Variants in CD6 observed in about 807,000 individuals in gnomAD.
CD6 encodes the protein CD6 molecule.
CD6 carries 53 observed loss-of-function variants against 75.3 expected under a neutral mutation model. That is an observed-to-expected ratio of 0.70 (90% CI 0.56 to 0.88). The LOEUF (loss-of-function observed/expected upper bound fraction) is 0.88, where lower values mean the gene tolerates loss of function less well. Ranked by LOEUF, CD6 falls within the 40% of genes least tolerant of loss-of-function variation. The pLI is 0.00. For missense variants in CD6, 770 were observed against 897.1 expected, an observed-to-expected ratio of 0.86 and a Z score of 1.81; for synonymous variants, 359 against 381.5, an observed-to-expected ratio of 0.94 and a Z score of 0.69.
intron 12 of CD6, 138 bp downstream of exon 12, chr11:61,018,531 T>C (rs1027600022): frequency 3.5e-5 from 21 of 598,784 alleles, no homozygotes; most frequent in Non-Finnish European, 1.7e-5. Flanking sequence ...AAGTAACTTT[T>C]TAAAAAACAA....
At chr11:60,992,399 G>T (rs1858101949) in intron 1 of CD6, among the ~76,000 whole-genome samples, 1 of 151,914 alleles carries the variant, frequency 6.6e-6, no homozygotes, top group Non-Finnish European at 1.5e-5. Flanking sequence ...ATTCGCCCAG[G>T]GTCACACTAT....
intron 7 of CD6, 68 bp downstream of exon 7, chr11:61,013,631 C>T (rs1211054676): frequency 1.3e-6 from 2 of 1,560,898 alleles, no homozygotes; most frequent in East Asian, 2.2e-5. Flanking sequence ...ACCCCAGCAG[C>T]AGTGGCGTGG....
intron 11 of CD6, 62 bp downstream of exon 11, chr11:61,018,075 C>T (rs1013242681): frequency 1.3e-6 from 2 of 1,575,212 alleles, no homozygotes; most frequent in African/African-American, 1.3e-5. Flanking sequence ...AGGCATAAAG[C>T]TGGGAGCCCT....
intron 1 of CD6, among the ~76,000 whole-genome samples, chr11:61,001,791 G>A (rs975619995): frequency 3.3e-5 from 5 of 152,126 alleles, no homozygotes; most frequent in Admixed American, 3.3e-4. Flanking sequence ...AGTGCAAAAC[G>A]GAGATGCAGG....
chr11:61,019,631 G>GA lies in CD6; in HGVS notation c.*313_*314insA, dbSNP rs1218967460. The GA allele has an allele frequency of 2.2e-5, 7 of 319,480 alleles. No homozygotes were observed. The Admixed American group carries it at 2.4e-4, about 11-fold the overall frequency. 19.8% of individuals were successfully genotyped at this position (319,480 alleles called of 1,614,324 possible). On this transcript the variant is annotated 3_prime_UTR_variant, in exon 13 of 13. Transcript: ENST00000313421. ...ACCTCTTGACAGCTGGTGGAGGGGA[G>GA]TTGGGGAGCTGGACTGGATGACTCT...
At chr11:60,986,524 T>C (rs1272350097) in intron 1 of CD6, among the ~76,000 whole-genome samples, 1 of 152,344 alleles carries the variant, frequency 6.6e-6, no homozygotes, top group South Asian at 2.1e-4. Flanking sequence ...CCTGAAGATC[T>C]CTATGGAACT....
intron 1 of CD6, among the ~76,000 whole-genome samples, chr11:61,005,299 GAGGTC>G (rs1329042346): frequency 6.6e-6 from 1 of 152,342 alleles, no homozygotes; most frequent in East Asian, 1.9e-4. Flanking sequence ...CAGTCAAGGA[GAGGTC>G]ACCTTGAATA....
rs1015595984 is a variant in CD6, at chr11:61,008,984, G to A, written c.781+139G>A. The A allele has an allele frequency of 6.2e-5, 45 of 729,436 alleles. No individual in the cohort carries two copies. The East Asian group carries it at 1.2e-3, about 19-fold the overall frequency. The allele number at this position is 729,436 out of a possible 1,614,324, so 45.2% of individuals were successfully genotyped here. A position where few individuals can be genotyped will look rare whatever the true frequency, so the allele number is the denominator to read the frequency against. On this transcript the variant is annotated intron_variant, in intron 4 of 12. Transcript: ENST00000313421. ...AGTTCAGGAGGGGAGATGAGACTGA[G>A]ACAAACATAATTCAGGAGAGAAAGT...
chr11:60,971,744 A>G lies in CD6; in HGVS notation c.-122A>G. ...AGAGAGCAGAGAGAGACACAGGAAC[A>G]AGAACAGCAAAGGGTAGAGCAGACC... On this transcript the variant is annotated 5_prime_UTR_variant, in exon 1 of 13. Transcript: ENST00000313421. 1 of 914,894 alleles carries G rather than the reference A, an allele frequency of 1.1e-6. No individual in the cohort carries two copies. Among genetic ancestry groups the G allele is most frequent in the Non-Finnish European group, 1.7e-6 (1 of 580,682 alleles). The allele number at this position is 914,894 out of a possible 1,614,324, so 56.7% of individuals were successfully genotyped here.
chr11:61,015,767 G>A lies in CD6; in HGVS notation c.1442G>A (p.Gly481Asp), dbSNP rs150986212. 2.5e-4 allele frequency: 408 copies of A among 1,614,166 alleles called. 2 individuals are homozygous for A. The African/African-American group carries it at 4.9e-3, about 19-fold the overall frequency. ...QAPPPEDSDS[G>D]SDSDYEHYDF... ...CCGCCCCCTGAGGACTCAGACTCTG[G>A]CTCGGACTCAGACTATGAGCACTAT... Residue 481 changes from glycine to aspartate, a missense_variant, in exon 9 of 13, where the codon GGC (glycine) becomes GAC (aspartate). By Grantham distance (94) the Gly-to-Asp change is moderately conservative. Coordinates refer to ENST00000313421, the MANE Select transcript of CD6 (RefSeq NM_006725.5).
intron 1 of CD6, among the ~76,000 whole-genome samples, chr11:60,992,074 T>G (rs1309719263): frequency 6.6e-6 from 1 of 152,096 alleles, no homozygotes; most frequent in Non-Finnish European, 1.5e-5. Context: ...GAGACAAGGT[T>G]TTGCCTTGTT....
intron 1 of CD6, among the ~76,000 whole-genome samples, chr11:61,003,612 T>C (rs1439137935): frequency 6.6e-6 from 1 of 152,114 alleles, no homozygotes; most frequent in Non-Finnish European, 1.5e-5. Flanking sequence ...CAAGCGCCTG[T>C]AGTCCTAGCT....
rs747284002 is a variant in CD6, at chr11:61,017,750, C to T, written c.1583-9C>T. On this transcript the variant is annotated splice_polypyrimidine_tract_variant and intron_variant, in intron 10 of 12. Coordinates refer to ENST00000313421, the MANE Select transcript of CD6 (RefSeq NM_006725.5). ...TTCTTTCGTCACCATTCTCCCTTTC[C>T]TGCCTTAGGACTTGAAGAGTTGCAT... 2 of 1,613,970 alleles carry T rather than the reference C, an allele frequency of 1.2e-6. No homozygotes were observed. Among genetic ancestry groups the T allele is most frequent in the Non-Finnish European group, 1.7e-6 (2 of 1,179,922 alleles).
At chr11:61,013,884 A>T (rs1590724754) in intron 7 of CD6, 35 bp from the exon 8 acceptor site, 1 of 1,500,432 alleles carries the variant, frequency 6.7e-7, no homozygotes, top group Non-Finnish European at 9.1e-7. Context: ...AGGGCAAAAA[A>T]ATGACTTGTA....
intron 7 of CD6, 64 bp downstream of exon 7, chr11:61,013,627 G>C (rs1253733312): frequency 1.3e-6 from 2 of 1,570,606 alleles, no homozygotes; most frequent in Non-Finnish European, 8.7e-7. Context: ...CAGAACCCCA[G>C]CAGCAGTGGC....
chr11:61,002,954 C>CTCTTTTT (rs1858663879), intron 1 of CD6, among the ~76,000 whole-genome samples: 3 of 151,002 alleles, frequency 2.0e-5, no homozygotes, highest in Admixed American at 2.0e-4. Context: ...ACCTAATCAA[C>CTCTTTTT]TCTTTTCTTT....
intron 1 of CD6, among the ~76,000 whole-genome samples, chr11:60,973,932 C>T (rs1458717247): frequency 1.3e-5 from 2 of 152,102 alleles, no homozygotes; most frequent in Non-Finnish European, 2.9e-5. Context: ...GCAAGGGACA[C>T]TGAGCTGCTA....
chr11:61,005,057 G>T (rs1335079906), intron 1 of CD6, among the ~76,000 whole-genome samples: 1 of 152,194 alleles, frequency 6.6e-6, no homozygotes, highest in Admixed American at 6.5e-5. Context: ...AGCCCAGAGG[G>T]GAGGCAAGTC....
rs1029573161 is a variant in CD6 at position 61,019,993 on chromosome 11, C to A, written c.*675C>A. ...CAAGGCCAGTCCTGCCCCAGAGACA[C>A]TCCAAGTCCGCCAGGGGCACAGACC... On this transcript the variant is annotated 3_prime_UTR_variant, in exon 13 of 13. Transcript: ENST00000313421. 1.0e-5 allele frequency: 4 copies of A among 396,960 alleles called. No individual in the cohort carries two copies. The highest frequency in any genetic ancestry group is 8.2e-5 in the African/African-American group (4 of 48,742). 24.6% of individuals were successfully genotyped at this position (396,960 alleles called of 1,614,324 possible). A position where few individuals can be genotyped will look rare whatever the true frequency, so the allele number is the denominator to read the frequency against.
Sources: gnomAD v4.1 joint callset for allele counts (sites outside exome capture counted in the v4.1 genomes callset) on GRCh38, gnomAD v4.1.1 for gene constraint, MANE v1.5 for transcripts, NCBI Gene and HGNC (gene_info 2026-07-23, HGNC 2026-07-21) for gene names.